Variants in LINGO2 observed in about 807,000 individuals in gnomAD.
The protein encoded by LINGO2 is leucine-rich repeat and immunoglobulin-like domain-containing nogo receptor-interacting protein 2.
A neutral mutation model predicts 30.6 loss-of-function variants in LINGO2; 14 were observed. That is an observed-to-expected ratio of 0.46 (90% CI 0.30 to 0.72). The LOEUF (loss-of-function observed/expected upper bound fraction) is 0.72, where lower values mean the gene tolerates loss of function less well. Among genes scored for constraint, LINGO2 ranks in the 30% least tolerant of loss-of-function variants. The probability of loss-of-function intolerance (pLI) is 0.07; values close to 1 mark genes in which losing one functional copy is unlikely to be tolerated. For missense variants in LINGO2, 729 were observed against 751.7 expected (o/e 0.97, Z 0.35); for synonymous variants, 317 against 288.5 (o/e 1.10, Z -1.00).
At chr9:28,453,597 T>G (rs1377157153) in intron 2 of LINGO2, among the ~76,000 whole-genome samples, 1 of 152,004 alleles carries the variant, frequency 6.6e-6, no homozygotes, top group Admixed American at 6.6e-5. Flanking sequence ...AATCACTACC[T>G]AGATTATTGG....
the LINGO2 span, among the ~76,000 whole-genome samples, chr9:29,140,896 AG>A: frequency 6.6e-6 from 1 of 152,080 alleles, no homozygotes; most frequent in African/African-American, 2.4e-5. Context: ...GAAGAAAAAA[AG>A]AACCTGCCAA....
intron 4 of LINGO2, among the ~76,000 whole-genome samples, chr9:28,090,391 A>G (rs1255733305): frequency 6.6e-6 from 1 of 152,230 alleles, no homozygotes; most frequent in African/African-American, 2.4e-5. Flanking sequence ...CATCTCTGGG[A>G]TGCAAGGCTG....
At chr9:28,677,180 G>A in the LINGO2 span, among the ~76,000 whole-genome samples, 2 of 152,146 alleles carry the variant, frequency 1.3e-5, no homozygotes, top group Non-Finnish European at 2.9e-5. Flanking sequence ...GGCAAGTAAA[G>A]AGCTAACATT....
intron 1 of LINGO2, among the ~76,000 whole-genome samples, chr9:28,543,829 A>C (rs1341730610): frequency 6.6e-6 from 1 of 152,106 alleles, no homozygotes. Flanking sequence ...GGGGGTTAGA[A>C]GGCACCTGAT....
At chr9:28,901,181 GA>G in the LINGO2 span, among the ~76,000 whole-genome samples, 2 of 151,938 alleles carry the variant, frequency 1.3e-5, no homozygotes, top group African/African-American at 4.8e-5. Context: ...AAGTACTAAT[GA>G]AAAAACTCCA....
At chr9:28,736,280 A>G in the LINGO2 span, among the ~76,000 whole-genome samples, 1 of 152,158 alleles carries the variant, frequency 6.6e-6, no homozygotes, top group African/African-American at 2.4e-5. Context: ...TTCTGAGTTT[A>G]CCAGGATTGC....
At chr9:29,182,381 C>T in the LINGO2 span, among the ~76,000 whole-genome samples, 1 of 152,008 alleles carries the variant, frequency 6.6e-6, no homozygotes, top group Non-Finnish European at 1.5e-5. Context: ...GCAAGAGGTG[C>T]ATATAAGATT....
chr9:28,013,673 T>C (rs1405023539), intron 4 of LINGO2, among the ~76,000 whole-genome samples: 2 of 152,334 alleles, frequency 1.3e-5, no homozygotes, highest in East Asian at 3.9e-4. Context: ...AGCTGGAGCT[T>C]TGCTTTATGG....
At chr9:28,106,993 T>C (rs1178134045) in intron 4 of LINGO2, among the ~76,000 whole-genome samples, 1 of 152,174 alleles carries the variant, frequency 6.6e-6, no homozygotes, top group East Asian at 1.9e-4. Flanking sequence ...GGTGTTTCTT[T>C]ACCTAGAATG....
chr9:28,172,498 A>T (rs760040114), intron 4 of LINGO2, among the ~76,000 whole-genome samples: 1 of 152,316 alleles, frequency 6.6e-6, no homozygotes, highest in South Asian at 2.1e-4. Context: ...CGTTATTGTC[A>T]TTTTAAACAT....
intron 4 of LINGO2, among the ~76,000 whole-genome samples, chr9:28,191,934 A>G (rs112039126): frequency 9.5e-4 from 144 of 152,158 alleles, no homozygotes; most frequent in African/African-American, 3.2e-3. Context: ...TATTTCCTCT[A>G]GTCTTAGGGC....
intron 4 of LINGO2, among the ~76,000 whole-genome samples, chr9:28,055,041 T>A (rs971085022): frequency 4.1e-5 from 6 of 145,052 alleles, no homozygotes; most frequent in African/African-American, 1.0e-4. Flanking sequence ...GCAAAAAAAA[T>A]ATATATAGCC....
intron 2 of LINGO2, among the ~76,000 whole-genome samples, chr9:28,390,538 G>C (rs953849092): frequency 1.0e-4 from 15 of 149,786 alleles, no homozygotes; most frequent in African/African-American, 3.7e-4. Flanking sequence ...TATACACACA[G>C]AGCAGAAATA....
intron 1 of LINGO2, among the ~76,000 whole-genome samples, chr9:28,643,000 T>A (rs952061563): frequency 1.2e-4 from 18 of 152,028 alleles, no homozygotes; most frequent in African/African-American, 4.3e-4. Context: ...AATAGCTCAA[T>A]AATGAAAACT....
chr9:28,925,505 A>T, the LINGO2 span, among the ~76,000 whole-genome samples: 1 of 152,244 alleles, frequency 6.6e-6, no homozygotes, highest in Non-Finnish European at 1.5e-5. Context: ...ACTGTGATAC[A>T]TCATTGCAGA....
chr9:28,432,936 T>C (rs1170384343), intron 2 of LINGO2, among the ~76,000 whole-genome samples: 1 of 152,070 alleles, frequency 6.6e-6, no homozygotes, highest in East Asian at 1.9e-4. Flanking sequence ...AAATCTTGTT[T>C]TAATTTCTGG....
chr9:28,388,977 G>T (rs908704423), intron 2 of LINGO2, among the ~76,000 whole-genome samples: 3 of 151,926 alleles, frequency 2.0e-5, no homozygotes, highest in African/African-American at 7.3e-5. Context: ...CCTACTTGTG[G>T]TTACTAAAAT....
At chr9:28,506,421 T>TATAC (rs1287303869) in intron 1 of LINGO2, among the ~76,000 whole-genome samples, 30 of 5,136 alleles carry the variant, frequency 5.8e-3, no homozygotes, top group Admixed American at 0.017. Flanking sequence ...TATATATATA[T>TATAC]ACACACACAC....
chr9:27,977,644 C>T (rs185956697), intron 5 of LINGO2, among the ~76,000 whole-genome samples: 43 of 152,002 alleles, frequency 2.8e-4, no homozygotes, highest in Non-Finnish European at 5.7e-4. Flanking sequence ...CATCACTATA[C>T]ACATGTTAAA....
Sources: allele counts gnomAD v4.1 joint callset (sites outside exome capture counted in the v4.1 genomes callset), GRCh38; gene constraint gnomAD v4.1.1; transcripts MANE v1.5; gene names NCBI Gene and HGNC (gene_info 2026-07-23, HGNC 2026-07-21).